STAG1: variants seen among roughly 807,000 people sequenced by gnomAD.
STAG1 encodes cohesin subunit SA-1.
A neutral mutation model predicts 170.9 loss-of-function variants in STAG1; 26 were observed. The ratio of observed to expected loss-of-function variants is 0.15; its 90% CI spans 0.11 to 0.21. The LOEUF is 0.21. STAG1 is among the 10% of genes least tolerant of loss of function. The pLI, the probability that STAG1 is intolerant of heterozygous loss-of-function variation, is 1.00. For synonymous variants in STAG1, 514 were observed against 497.7 expected, an observed-to-expected ratio of 1.03 and a Z score of -0.44; for missense variants, 964 against 1,509.5, an observed-to-expected ratio of 0.64 and a Z score of 5.99.
At chr3:136,469,827 A>G (rs1263162936) in intron 12 of STAG1, among the ~76,000 whole-genome samples, 22 of 152,192 alleles carry the variant, frequency 1.4e-4, no homozygotes, top group African/African-American at 5.1e-4. Context: ...CACAAATAAT[A>G]TCACACATCT....
intron 1 of STAG1, among the ~76,000 whole-genome samples, chr3:136,670,128 A>G (rs1388877896): frequency 1.3e-5 from 2 of 152,170 alleles, no homozygotes; most frequent in Admixed American, 6.5e-5. Flanking sequence ...TTCACTAATC[A>G]TTTTGATATT....
intron 13 of STAG1, among the ~76,000 whole-genome samples, chr3:136,460,203 A>T (rs970034679): frequency 1.8e-4 from 27 of 152,354 alleles, no homozygotes; most frequent in Admixed American, 1.6e-3. Flanking sequence ...AATACAAAGG[A>T]TCAGTAAAAA....
At chr3:136,371,783 G>T (rs1270131362) in intron 23 of STAG1, among the ~76,000 whole-genome samples, 1 of 152,034 alleles carries the variant, frequency 6.6e-6, no homozygotes, top group African/African-American at 2.4e-5. Flanking sequence ...TTGAAGTCAG[G>T]TAGCATGATG....
At chr3:136,716,808 G>A (rs1262485920) in intron 1 of STAG1, among the ~76,000 whole-genome samples, 1 of 152,222 alleles carries the variant, frequency 6.6e-6, no homozygotes, top group African/African-American at 2.4e-5. Context: ...TACCATGGTG[G>A]TAAAAAGAAG....
chr3:136,363,015 G>A (rs1290309089), intron 26 of STAG1, among the ~76,000 whole-genome samples: 3 of 151,758 alleles, frequency 2.0e-5, no homozygotes, highest in Admixed American at 6.6e-5. Flanking sequence ...TCTTATTTAC[G>A]CAACATGAAA....
At chr3:136,663,175 G>GT (rs1302183150) in intron 1 of STAG1, among the ~76,000 whole-genome samples, 2 of 152,058 alleles carry the variant, frequency 1.3e-5, no homozygotes, top group Non-Finnish European at 2.9e-5. Flanking sequence ...AAAGCTGTTT[G>GT]TTTTTTTAAA....
chr3:136,616,218 G>C (rs1308674582), intron 3 of STAG1, among the ~76,000 whole-genome samples: 2 of 150,088 alleles, frequency 1.3e-5, no homozygotes, highest in South Asian at 4.2e-4. Flanking sequence ...GCAGTGAGCC[G>C]AGATCGCGCC....
intron 3 of STAG1, among the ~76,000 whole-genome samples, chr3:136,618,915 A>T (rs928925108): frequency 5.3e-5 from 8 of 151,534 alleles, no homozygotes; most frequent in South Asian, 2.1e-4. Context: ...TACTGAATTT[A>T]AAAAAAAAGT....
intron 1 of STAG1, among the ~76,000 whole-genome samples, chr3:136,742,516 T>C (rs909303237): frequency 1.3e-5 from 2 of 152,090 alleles, no homozygotes; most frequent in African/African-American, 4.8e-5. Flanking sequence ...AGTTCAAGAC[T>C]AGCCTAGCTA....
At chr3:136,628,055 T>C (rs774116181) in intron 2 of STAG1, among the ~76,000 whole-genome samples, 1 of 152,146 alleles carries the variant, frequency 6.6e-6, no homozygotes, top group African/African-American at 2.4e-5. Flanking sequence ...CGAACTGTAA[T>C]CCCCACCTGT....
chr3:136,374,826 G>A (rs982140576), intron 23 of STAG1, among the ~76,000 whole-genome samples: 2 of 152,096 alleles, frequency 1.3e-5, no homozygotes, highest in Non-Finnish European at 2.9e-5. Flanking sequence ...AGTCTACAGT[G>A]ATGTATAGTA....
chr3:136,705,171 C>T (rs917848692), intron 1 of STAG1, among the ~76,000 whole-genome samples: 2 of 151,966 alleles, frequency 1.3e-5, no homozygotes, highest in African/African-American at 2.4e-5. Flanking sequence ...GTCAGGAGTT[C>T]GAGACCAGCC....
intron 1 of STAG1, among the ~76,000 whole-genome samples, chr3:136,741,682 G>A (rs996825445): frequency 1.3e-5 from 2 of 152,070 alleles, no homozygotes; most frequent in African/African-American, 4.8e-5. Context: ...TGGTCACGCT[G>A]GTCTTGAACT....
At chr3:136,518,265 C>A in intron 7 of STAG1, 5 of 599,114 alleles carry the variant, frequency 8.3e-6, no homozygotes, top group South Asian at 2.1e-5. Flanking sequence ...TCTCTCTTCT[C>A]AGCTAAGATT....
chr3:136,340,462 C>G (rs1305775427), intron 32 of STAG1, 29 bp downstream of exon 32: 1 of 1,475,612 alleles, frequency 6.8e-7, no homozygotes, highest in Non-Finnish European at 9.5e-7. Context: ...CATATTTTAA[C>G]AAAAGAAAAA....
In STAG1 at chr3:136,528,497, C is replaced by A. The variant is rs181979450; in HGVS notation, c.472-7080G>T. On this transcript the variant is annotated intron_variant, in intron 6 of 33. Coordinates refer to ENST00000383202, the MANE Select transcript of STAG1 (RefSeq NM_005862.3). Reference sequence around the variant, plus strand: ...CCCCAGCAACAGATGTCCCCGCACCCCCCCCCCCAAAAAATCACTAAGTCC... The same window carrying A: ...CCCCAGCAACAGATGTCCCCGCACCACCCCCCCCAAAAAATCACTAAGTCC... 1.3e-4 allele frequency among the ~76,000 whole-genome samples: 14 copies of A among 110,508 alleles called. 1 individual carries two copies. The highest frequency in any genetic ancestry group is 7.7e-4 in the East Asian group (2 of 2,590). The allele number at this position is 110,508 out of a possible 152,430, so 72.5% of individuals were successfully genotyped here.
At chr3:136,478,430 G>T (rs577386642) in intron 9 of STAG1, among the ~76,000 whole-genome samples, 1 of 151,974 alleles carries the variant, frequency 6.6e-6, no homozygotes, top group African/African-American at 2.4e-5. Flanking sequence ...TCATCACAAG[G>T]TTATTAGCCT....
chr3:136,472,290 T>A, intron 12 of STAG1, 123 bp downstream of exon 12: 1 of 536,332 alleles, frequency 1.9e-6, no homozygotes. Context: ...CGTTAAAATG[T>A]AAAAGTTGAA....
intron 21 of STAG1, among the ~76,000 whole-genome samples, chr3:136,413,222 A>G (rs968856799): frequency 6.7e-6 from 1 of 148,224 alleles, no homozygotes; most frequent in African/African-American, 2.4e-5. Flanking sequence ...TATATTATAT[A>G]TAATTTATAT....
Sources: gnomAD v4.1 joint callset for allele counts (sites outside exome capture counted in the v4.1 genomes callset) on GRCh38, gnomAD v4.1.1 for gene constraint, MANE v1.5 for transcripts, NCBI Gene and HGNC (gene_info 2026-07-23, HGNC 2026-07-21) for gene names.